The following NKAIN2 variants were observed in gnomAD, a reference collection of about 807,000 sequenced individuals.
The protein encoded by NKAIN2 is sodium/potassium transporting ATPase interacting 2.
Under a neutral mutation model 32.6 loss-of-function variants are expected in NKAIN2, and 14 were observed. The observed-to-expected ratio is 0.43, with a 90% CI of 0.28 to 0.67. The LOEUF is 0.67. NKAIN2 is among the 30% of genes least tolerant of loss of function. NKAIN2 has a pLI of 0.17. For synonymous variants in NKAIN2, 80 were observed against 87.2 expected (o/e 0.92, Z 0.46); for missense variants, 198 against 258.3 (o/e 0.77, Z 1.60).
intron 4 of NKAIN2, among the ~76,000 whole-genome samples, chr6:124,758,523 A>G (rs1431397340): frequency 3.9e-5 from 6 of 152,060 alleles, no homozygotes; most frequent in African/African-American, 1.2e-4. Flanking sequence ...TAGCCAGTCT[A>G]TGGTATTTTT....
chr6:124,316,751 G>A (rs72963879), intron 2 of NKAIN2, among the ~76,000 whole-genome samples: 5,305 of 152,120 alleles, frequency 0.035, 89 homozygotes, highest in Non-Finnish European at 0.042. Context: ...AGAGAATAAA[G>A]TTCAATAAGG....
In NKAIN2 at chr6:124,658,410, C is replaced by T. The variant is rs1784620988; in HGVS notation, c.474+24C>T. 4 of 1,614,050 alleles carry T rather than the reference C, an allele frequency of 2.5e-6. No individual in the cohort carries two copies. In the East Asian group the frequency reaches 8.9e-5, roughly 36 times the overall value. On this transcript the variant is annotated intron_variant, in intron 4 of 6. Coordinates refer to ENST00000368417, the MANE Select transcript of NKAIN2 (RefSeq NM_001040214.3). ...CAGTAAGTGTTGGCAGCCAACCGCT[C>T]CTTCTAGTGCCTCTGGGGTTGTTTT...
intron 3 of NKAIN2, among the ~76,000 whole-genome samples, chr6:124,448,719 GGAAACAT>G: frequency 6.6e-6 from 1 of 152,194 alleles, no homozygotes; most frequent in East Asian, 1.9e-4. Context: ...CTACACTTAA[GGAAACAT>G]GAATTCTGGG....
At chr6:124,096,650 C>G (rs1490409871) in intron 1 of NKAIN2, among the ~76,000 whole-genome samples, 2 of 151,824 alleles carry the variant, frequency 1.3e-5, no homozygotes, top group African/African-American at 2.4e-5. Context: ...TAAAGGAGAT[C>G]GAGACCATCT....
At chr6:124,640,281 T>C (rs1306974982) in intron 3 of NKAIN2, among the ~76,000 whole-genome samples, 3 of 152,190 alleles carry the variant, frequency 2.0e-5, no homozygotes, top group African/African-American at 7.2e-5. Context: ...GTTTCTTAAA[T>C]GTCTCTAAGC....
intron 1 of NKAIN2, among the ~76,000 whole-genome samples, chr6:124,005,708 G>A (rs990036303): frequency 3.9e-5 from 6 of 152,124 alleles, no homozygotes; most frequent in Non-Finnish European, 5.9e-5. Context: ...AAGGAAATTT[G>A]TAATTTAGTG....
intron 2 of NKAIN2, among the ~76,000 whole-genome samples, chr6:124,342,947 C>T (rs1025272080): frequency 5.3e-5 from 8 of 151,288 alleles, no homozygotes; most frequent in African/African-American, 1.5e-4. Context: ...CATCATTTAG[C>T]ATTAGCTATA....
chr6:123,811,524 G>C (rs1411259842), intron 1 of NKAIN2, among the ~76,000 whole-genome samples: 1 of 152,178 alleles, frequency 6.6e-6, no homozygotes, highest in African/African-American at 2.4e-5. Context: ...GGAGCTTAGT[G>C]CTTCTGTATT....
At chr6:124,418,741 G>A (rs1289965500) in intron 3 of NKAIN2, among the ~76,000 whole-genome samples, 1 of 151,372 alleles carries the variant, frequency 6.6e-6, no homozygotes, top group Non-Finnish European at 1.5e-5. Flanking sequence ...GTGTTTCTTT[G>A]AACTCTCCCT....
intron 1 of NKAIN2, among the ~76,000 whole-genome samples, chr6:124,035,975 C>A (rs1204335376): frequency 1.3e-5 from 2 of 151,888 alleles, no homozygotes; most frequent in East Asian, 1.9e-4. Flanking sequence ...GAAAAGCATG[C>A]CATTGTGATA....
chr6:124,084,279 G>A (rs1193035315), intron 1 of NKAIN2, among the ~76,000 whole-genome samples: 1 of 151,986 alleles, frequency 6.6e-6, no homozygotes, highest in East Asian at 1.9e-4. Context: ...ATGATGGACT[G>A]CAGATATAAT....
chr6:124,021,937 C>T (rs1468148094), intron 1 of NKAIN2, among the ~76,000 whole-genome samples: 1 of 152,070 alleles, frequency 6.6e-6, no homozygotes, highest in Non-Finnish European at 1.5e-5. Context: ...GGTACAAGTG[C>T]ACAACGTGCA....
chr6:124,566,820 A>T (rs191093387), intron 3 of NKAIN2, among the ~76,000 whole-genome samples: 1 of 152,262 alleles, frequency 6.6e-6, no homozygotes, highest in East Asian at 1.9e-4. Context: ...ACACACAAAG[A>T]TCTTCCAAGA....
chr6:124,479,445 T>G (rs547207516), intron 3 of NKAIN2, among the ~76,000 whole-genome samples: 29 of 152,274 alleles, frequency 1.9e-4, no homozygotes, highest in Admixed American at 1.5e-3. Context: ...AAACAATCTC[T>G]GGATGGAATG....
intron 1 of NKAIN2, among the ~76,000 whole-genome samples, chr6:123,946,391 A>T (rs908009711): frequency 6.6e-6 from 1 of 152,130 alleles, no homozygotes; most frequent in African/African-American, 2.4e-5. Context: ...ATGTGATTTA[A>T]CTGAAATTTA....
At chr6:124,687,337 A>G (rs550853490) in intron 4 of NKAIN2, among the ~76,000 whole-genome samples, 3 of 138,598 alleles carry the variant, frequency 2.2e-5, no homozygotes, top group East Asian at 4.3e-4. Flanking sequence ...TATTCCATAC[A>G]TATACATATA....
At chr6:124,723,774 T>G (rs1378766123) in intron 4 of NKAIN2, among the ~76,000 whole-genome samples, 3 of 152,234 alleles carry the variant, frequency 2.0e-5, no homozygotes, top group Non-Finnish European at 1.5e-5. Flanking sequence ...TTTTTAAAAT[T>G]TTAAACTACT....
At chr6:124,159,810 A>G (rs1332575149) in intron 1 of NKAIN2, among the ~76,000 whole-genome samples, 2 of 152,150 alleles carry the variant, frequency 1.3e-5, no homozygotes, top group African/African-American at 2.4e-5. Context: ...TACAGCCAAT[A>G]CCAAAGTGTG....
At chr6:123,976,555 T>C (rs1302528004) in intron 1 of NKAIN2, among the ~76,000 whole-genome samples, 1 of 150,932 alleles carries the variant, frequency 6.6e-6, no homozygotes, top group African/African-American at 2.4e-5. Context: ...TCCCTCTTGA[T>C]TTGGAAGGCC....
Sources: gnomAD v4.1 joint callset for allele counts (sites outside exome capture counted in the v4.1 genomes callset) on GRCh38, gnomAD v4.1.1 for gene constraint, MANE v1.5 for transcripts, NCBI Gene and HGNC (gene_info 2026-07-23, HGNC 2026-07-21) for gene names.